NBPF15: variants seen among roughly 807,000 people sequenced by gnomAD.
The protein encoded by NBPF15 is NBPF member 15.
NBPF15 carries 74 observed loss-of-function variants against 62.2 expected under a neutral mutation model. The observed-to-expected ratio is 1.19, with a 90% CI of 0.99 to 1.44. NBPF15 has a LOEUF of 1.44. NBPF15 is among the 40% of genes most tolerant of loss of function. The probability of loss-of-function intolerance (pLI) is 0.00; values close to 1 mark genes in which losing one functional copy is unlikely to be tolerated. For synonymous variants in NBPF15, 244 were observed against 209.7 expected, an observed-to-expected ratio of 1.16 and a Z score of -1.41; for missense variants, 790 against 550.0, an observed-to-expected ratio of 1.44 and a Z score of -4.36.
rs1666623265 is a variant in NBPF15 at position 144,422,800 on chromosome 1, C to G, written c.*213G>C. On this transcript the variant is annotated 3_prime_UTR_variant, in exon 22 of 22. Coordinates refer to ENST00000581897, the MANE Select transcript of NBPF15 (RefSeq NM_001385408.1). Reference sequence around the variant, plus strand: ...CTGATCACTCCCGGCATGTTCTGCACAGTTATGTGAACGTGTCACACCTAA... The same window carrying G: ...CTGATCACTCCCGGCATGTTCTGCAGAGTTATGTGAACGTGTCACACCTAA... The G allele has an allele frequency of 1.6e-5, 19 of 1,219,518 alleles. No individual in the cohort carries two copies. In the Middle Eastern group the frequency reaches 8.7e-4, roughly 56 times the overall value. 75.5% of individuals were successfully genotyped at this position (1,219,518 alleles called of 1,614,324 possible).
chr1:144,459,379 C>T lies in NBPF15; in HGVS notation c.-714G>A, dbSNP rs1199305414. On this transcript the variant is annotated 5_prime_UTR_variant, in exon 3 of 22. Transcript: ENST00000581897. ...GGTGGTGCTCACCTGTAGGTCCCAGCTACTTGGGGGCTGAGGCAGGAGGAT... is the reference window on the plus strand; with the variant it reads ...GGTGGTGCTCACCTGTAGGTCCCAGTTACTTGGGGGCTGAGGCAGGAGGAT... The T allele has an allele frequency of 6.6e-6, 1 of 151,926 alleles. No homozygotes were observed. The highest frequency in any genetic ancestry group is 1.5e-5 in the Non-Finnish European group (1 of 68,016). 9.4% of individuals were successfully genotyped at this position (151,926 alleles called of 1,614,324 possible).
Position 144,440,204 on chromosome 1 carries a change from C to T in NBPF15, c.-99G>A, listed in dbSNP as rs1354759890. On this transcript the variant is annotated 5_prime_UTR_variant, in exon 7 of 22. Transcript: ENST00000581897. ...GATCCTTCACCACAAAAACAAGGTT[C>T]GAGGTGCCTCAACTCAGAGCTGAAA... 1.8e-4 allele frequency: 276 copies of T among 1,525,784 alleles called. 1 individual carries two copies. The highest frequency in any genetic ancestry group is 2.2e-4 in the Non-Finnish European group (249 of 1,133,044). The allele number at this position is 1,525,784 out of a possible 1,614,324, so 94.5% of individuals were successfully genotyped here.
chr1:144,426,878 G>A (rs1236340253), intron 17 of NBPF15, among the ~76,000 whole-genome samples, 169 bp downstream of exon 17: 7 of 147,376 alleles, frequency 4.7e-5, no homozygotes, highest in African/African-American at 1.8e-4. Flanking sequence ...ATAAGGGGAG[G>A]AAGAAATGGA....
intron 1 of NBPF15, 103 bp from the exon 2 acceptor site, chr1:144,461,064 C>A (rs1443943372): frequency 6.6e-6 from 1 of 150,760 alleles, no homozygotes; most frequent in African/African-American, 2.5e-5. Context: ...CAGAGGCAAC[C>A]GATTTCTGGC....
At chr1:144,458,895 G>A (rs1553547695) in intron 3 of NBPF15, among the ~76,000 whole-genome samples, 1 of 151,680 alleles carries the variant, frequency 6.6e-6, no homozygotes, top group Non-Finnish European at 1.5e-5. Context: ...TGAAAATTAA[G>A]CCAGGCATGG....
At chr1:144,437,267 G>A (rs1404317004) in intron 9 of NBPF15, among the ~76,000 whole-genome samples, 158 bp from the exon 10 acceptor site, 14 of 149,106 alleles carry the variant, frequency 9.4e-5, no homozygotes, top group African/African-American at 2.8e-4. Context: ...AGAAAGAATA[G>A]AAAATGGTTT....
chr1:144,451,697 G>A (rs587651601), intron 4 of NBPF15, among the ~76,000 whole-genome samples: 154 of 151,570 alleles, frequency 1.0e-3, no homozygotes, highest in African/African-American at 3.5e-3. Context: ...TTAACCCTGA[G>A]TTGACACAGC....
rs1647466505 is a variant in NBPF15 at position 144,456,106 on chromosome 1, T to C, written c.-432+431A>G. Reference sequence around the variant, plus strand: ...ACACACATCTCCCCACCCAGGACAGTGCAGGGCCTTAGCCTGGGGGATGCG... The same window carrying C: ...ACACACATCTCCCCACCCAGGACAGCGCAGGGCCTTAGCCTGGGGGATGCG... On this transcript the variant is annotated intron_variant, in intron 4 of 21. Coordinates refer to ENST00000581897, the MANE Select transcript of NBPF15 (RefSeq NM_001385408.1). Among the ~76,000 whole-genome samples, 3 of 151,398 alleles carry C rather than the reference T, an allele frequency of 2.0e-5. No individual in the cohort carries two copies. The South Asian group carries it at 6.3e-4, about 32-fold the overall frequency.
rs1272346062 is a variant in NBPF15 at position 144,438,520 on chromosome 1, T to C, written c.176-473A>G. ...ATTTTTAAAATCTTTGATTTTTAAA[T>C]CATATCTTCAGTTATGATTTTAAGA... On this transcript the variant is annotated intron_variant, in intron 8 of 21. Transcript: ENST00000581897. 7.2e-4 allele frequency among the ~76,000 whole-genome samples: 109 copies of C among 152,148 alleles called. 1 individual carries two copies. Among genetic ancestry groups the C allele is most frequent in the African/African-American group, 2.5e-3 (102 of 41,498 alleles).
At chr1:144,458,698 T>C (rs1210215036) in intron 3 of NBPF15, among the ~76,000 whole-genome samples, 1 of 151,878 alleles carries the variant, frequency 6.6e-6, no homozygotes, top group African/African-American at 2.4e-5. Context: ...AAAAGGATAG[T>C]CTTTTCAATA....
intron 21 of NBPF15, 139 bp from the exon 22 acceptor site, chr1:144,423,395 T>G (rs1432605253): frequency 1.2e-5 from 18 of 1,536,792 alleles, no homozygotes; most frequent in African/African-American, 8.6e-5. Context: ...AAAAAAAAAT[T>G]TATTGCCTTT....
chr1:144,452,599 C>G (rs1197421357), intron 4 of NBPF15, among the ~76,000 whole-genome samples: 1 of 150,750 alleles, frequency 6.6e-6, no homozygotes, highest in Non-Finnish European at 1.5e-5. Flanking sequence ...CTGCACAATT[C>G]GATAAATCAA....
chr1:144,434,742 C>T (rs1553540712), intron 12 of NBPF15, among the ~76,000 whole-genome samples: 1 of 151,822 alleles, frequency 6.6e-6, no homozygotes. Flanking sequence ...AATACAAAGG[C>T]AAGGCTGCCA....
Position 144,435,230 on chromosome 1 carries a change from T to C in NBPF15, c.653A>G (p.Tyr218Cys). ...TTTCTTATGTGGCTGGTTGGAGTCA[T>C]AAGGGCCATGGCTATTTGAACAAGT... ...AITCSNSHGPYDSNQPHKKTK... is the reference protein window; with the variant it reads ...AITCSNSHGPCDSNQPHKKTK... The change falls in exon 12 of 22, where the codon TAT (tyrosine) becomes TGT (cysteine). Residue 218 changes from tyrosine (Y) to cysteine (C), a missense_variant. Coordinates refer to ENST00000581897, the MANE Select transcript of NBPF15 (RefSeq NM_001385408.1). The C allele has an allele frequency of 3.1e-6, 5 of 1,612,938 alleles. No homozygotes were observed. Among genetic ancestry groups the C allele is most frequent in the Admixed American group, 3.3e-5 (2 of 59,982 alleles).
chr1:144,426,512 C>A (rs1231227519), intron 17 of NBPF15, 62 bp from the exon 18 acceptor site: 2 of 780,360 alleles, frequency 2.6e-6, no homozygotes. Context: ...ACAGCCCCAG[C>A]TAGATTTCAT....
In NBPF15 at chr1:144,436,910, G is replaced by T; in HGVS notation, c.478C>A (p.Gln160Lys). Residue 160 changes from glutamine (Q) to lysine (K), a missense_variant, in exon 10 of 22, where the codon CAA becomes AAA. By Grantham distance (53) the Gln-to-Lys change is moderately conservative (BLOSUM62 1). Transcript: ENST00000581897. ...EGCRLTQHLV[Q>K]KLSPENDNDD... ...GCCACCTTACCTGGGCTGAGCTTTTGGACAAGGTGCTGTGTCAGTCTACAC... is the reference window on the plus strand; with the variant it reads ...GCCACCTTACCTGGGCTGAGCTTTTTGACAAGGTGCTGTGTCAGTCTACAC... 1.2e-6 allele frequency: 2 copies of T among 1,611,996 alleles called. No homozygotes were observed. The highest frequency in any genetic ancestry group is 2.2e-5 in the East Asian group (1 of 44,860).
At position 144,456,823 on chromosome 1, in the gene NBPF15, G is replaced by T. The variant is rs587642275; in HGVS notation, c.-700-18C>A. 6.3e-6 allele frequency: 2 copies of T among 315,066 alleles called. No homozygotes were observed. The highest frequency in any genetic ancestry group is 9.8e-6 in the Non-Finnish European group (2 of 204,436). The allele number at this position is 315,066 out of a possible 1,614,324, so 19.5% of individuals were successfully genotyped here. A position where few individuals can be genotyped will look rare whatever the true frequency, so the allele number is the denominator to read the frequency against. On this transcript the variant is annotated intron_variant, in intron 3 of 21. Coordinates refer to ENST00000581897, the MANE Select transcript of NBPF15 (RefSeq NM_001385408.1). ...CAGATTGCCTATGAGATAAAAGAGA[G>T]AAATCATGGTTAATATTGAGATTTG...
rs587698059 is a variant in NBPF15 at position 144,450,435 on chromosome 1, C to T, written c.-333+337G>A. Among the ~76,000 whole-genome samples the T allele has an allele frequency of 2.6e-4, 39 of 152,086 alleles. 1 individual carries two copies. In the South Asian group the frequency reaches 7.9e-3, roughly 31 times the overall value. ...GCTGACAGCCAGCACAGAAAAAGGG[C>T]CCTCAGCCCCCCACAAACAAGAATA... On this transcript the variant is annotated intron_variant, in intron 5 of 21. Transcript: ENST00000581897.
In NBPF15 at chr1:144,423,243, G is replaced by A. The variant is rs782774188; in HGVS notation, c.1783C>T (p.Leu595=). 1.2e-6 allele frequency: 2 copies of A among 1,611,494 alleles called. No homozygotes were observed. The highest frequency in any genetic ancestry group is 1.7e-6 in the Non-Finnish European group (2 of 1,179,602). Residue 595 remains leucine, a synonymous_variant, in exon 22 of 22, where the codon CTG becomes TTG. Transcript: ENST00000581897. The part of the protein sequence containing the change: ...NPPCPRLYGV[L]MEVEEPEVLQ... Reference sequence around the variant, plus strand: ...ACTTCAGGCTCTTCCACTTCCATCAGCACGCCGTAGAGCCTGGAAAAGGAG... The same window carrying A: ...ACTTCAGGCTCTTCCACTTCCATCAACACGCCGTAGAGCCTGGAAAAGGAG...
Sources: gnomAD v4.1 joint callset for allele counts (sites outside exome capture counted in the v4.1 genomes callset) on GRCh38, gnomAD v4.1.1 for gene constraint, MANE v1.5 for transcripts, NCBI Gene and HGNC (gene_info 2026-07-23, HGNC 2026-07-21) for gene names.